CIB4: variants seen among roughly 807,000 people sequenced by gnomAD.
The protein encoded by CIB4 is calcium and integrin binding family member 4.
Under a neutral mutation model 25.8 loss-of-function variants are expected in CIB4, and 25 were observed. The ratio of observed to expected loss-of-function variants is 0.97; its 90% CI spans 0.71 to 1.35. CIB4 has a LOEUF of 1.35. Ranked by LOEUF, CIB4 falls within the 40% of genes most tolerant of loss-of-function variation. CIB4 has a pLI of 0.00. For synonymous variants in CIB4, 75 were observed against 81.4 expected (o/e 0.92, Z 0.42); for missense variants, 235 against 228.2 (o/e 1.03, Z -0.19).
At chr2:26,581,432 G>T in intron 6 of CIB4, 39 bp from the exon 7 acceptor site, 1 of 1,609,416 alleles carries the variant, frequency 6.2e-7, no homozygotes, top group Non-Finnish European at 8.5e-7. Context: ...GAGCCCGCAG[G>T]TCCAAGGGGC....
At chr2:26,620,195 G>C (rs1302977095) in intron 3 of CIB4, among the ~76,000 whole-genome samples, 1 of 144,928 alleles carries the variant, frequency 6.9e-6, no homozygotes, top group Non-Finnish European at 1.5e-5. Context: ...CAGACTCCGC[G>C]ACTGAGGAAG....
At position 26,641,257 on chromosome 2, in the gene CIB4, C is replaced by A; in HGVS notation, c.54+4G>T. 1 of 1,610,888 alleles carries A rather than the reference C, an allele frequency of 6.2e-7. No homozygotes were observed. ...GCCCAGAGTCCCTAGCCCGATCTACCCACCTGGTACTCTTCCAGGTCCTCC... is the reference window on the plus strand; with the variant it reads ...GCCCAGAGTCCCTAGCCCGATCTACACACCTGGTACTCTTCCAGGTCCTCC... On this transcript the variant is annotated splice_donor_region_variant and intron_variant, in intron 1 of 6. Coordinates refer to ENST00000288861, the MANE Select transcript of CIB4 (RefSeq NM_001029881.3).
chr2:26,631,504 G>A (rs1404420827), intron 2 of CIB4, among the ~76,000 whole-genome samples: 1 of 152,118 alleles, frequency 6.6e-6, no homozygotes, highest in Non-Finnish European at 1.5e-5. Context: ...TGAAGAATTT[G>A]GAGGGTGATT....
chr2:26,635,287 T>C (rs977394685), intron 2 of CIB4, among the ~76,000 whole-genome samples: 10 of 152,154 alleles, frequency 6.6e-5, no homozygotes, highest in African/African-American at 2.4e-4. Context: ...AAGACAAGTC[T>C]AGAACATGAG....
intron 3 of CIB4, among the ~76,000 whole-genome samples, chr2:26,611,188 TA>T (rs2148210342): frequency 6.6e-6 from 1 of 152,336 alleles, no homozygotes; most frequent in East Asian, 1.9e-4. Context: ...GACTTGGGGC[TA>T]GGATCCACTG....
intron 4 of CIB4, among the ~76,000 whole-genome samples, chr2:26,590,258 T>TAAAAAAAAAA (rs869097756): frequency 3.2e-5 from 2 of 61,830 alleles, no homozygotes; most frequent in African/African-American, 1.5e-4. Context: ...CAAGCATCTG[T>TAAAAAAAAAA]AAAAAAAAAA....
At chr2:26,636,138 G>A (rs1273663089) in intron 2 of CIB4, among the ~76,000 whole-genome samples, 2 of 152,092 alleles carry the variant, frequency 1.3e-5, no homozygotes, top group Non-Finnish European at 2.9e-5. Context: ...TAGAAAAAAA[G>A]AGGATTTATT....
At chr2:26,631,892 T>A (rs1377510518) in intron 2 of CIB4, among the ~76,000 whole-genome samples, 2 of 152,204 alleles carry the variant, frequency 1.3e-5, no homozygotes, top group Non-Finnish European at 2.9e-5. Context: ...AGCCAGCTTC[T>A]GCAGCTCCAG....
At chr2:26,619,359 C>G (rs373485257) in intron 3 of CIB4, among the ~76,000 whole-genome samples, 62 of 152,096 alleles carry the variant, frequency 4.1e-4, no homozygotes, top group African/African-American at 1.4e-3. Flanking sequence ...CCTCATGGAG[C>G]GCTTGGGAGT....
In CIB4 at chr2:26,581,317, C is replaced by A. The variant is rs1486044647; in HGVS notation, c.*46G>T. The A allele has an allele frequency of 1.7e-5, 27 of 1,568,660 alleles. No individual in the cohort carries two copies. Among genetic ancestry groups the A allele is most frequent in the Non-Finnish European group, 2.4e-5 (27 of 1,138,834 alleles). ...CTCCAGTGCTGGAGGGGGTTCGATT[C>A]CTGTGGTCTCCCTCGAGGCTGCCAT... On this transcript the variant is annotated 3_prime_UTR_variant, in exon 7 of 7. Coordinates refer to ENST00000288861, the MANE Select transcript of CIB4 (RefSeq NM_001029881.3).
At chr2:26,633,854 C>A (rs766742236) in intron 2 of CIB4, among the ~76,000 whole-genome samples, 1 of 152,180 alleles carries the variant, frequency 6.6e-6, no homozygotes, top group Middle Eastern at 3.2e-3. Flanking sequence ...CTGCTGCTGA[C>A]TGTCCGTGGG....
intron 2 of CIB4, among the ~76,000 whole-genome samples, chr2:26,634,865 C>T (rs901182250): frequency 3.0e-4 from 46 of 152,358 alleles, no homozygotes; most frequent in African/African-American, 1.1e-3. Context: ...CCCCACCCCA[C>T]CCAAGAGAGT....
At chr2:26,614,074 G>A (rs1436684544) in intron 3 of CIB4, among the ~76,000 whole-genome samples, 1 of 152,226 alleles carries the variant, frequency 6.6e-6, no homozygotes, top group East Asian at 1.9e-4. Flanking sequence ...TGGGAACAGA[G>A]CCCCGGCCAG....
intron 3 of CIB4, among the ~76,000 whole-genome samples, chr2:26,616,326 T>C (rs115757177): frequency 0.012 from 1,781 of 152,236 alleles, 30 homozygotes; most frequent in African/African-American, 0.04. Context: ...CGCCAACTCC[T>C]AGGGTGCTCA....
intron 3 of CIB4, among the ~76,000 whole-genome samples, chr2:26,602,804 G>A (rs1275719739): frequency 4.6e-5 from 7 of 152,204 alleles, no homozygotes; most frequent in Admixed American, 4.6e-4. Flanking sequence ...GCTCACGCCT[G>A]TAATCTCGAG....
intron 3 of CIB4, among the ~76,000 whole-genome samples, chr2:26,599,511 C>T (rs183514178): frequency 6.6e-5 from 10 of 152,138 alleles, no homozygotes; most frequent in Middle Eastern, 6.8e-3. Flanking sequence ...CTCCAACTAG[C>T]GCCTAGTCAA....
At chr2:26,584,485 G>A (rs1203670625) in intron 4 of CIB4, among the ~76,000 whole-genome samples, 1 of 152,200 alleles carries the variant, frequency 6.6e-6, no homozygotes, top group East Asian at 1.9e-4. Flanking sequence ...CAGTGAAGGG[G>A]GACAATGGTC....
chr2:26,593,435 C>T (rs1668625344), intron 4 of CIB4, among the ~76,000 whole-genome samples: 1 of 151,516 alleles, frequency 6.6e-6, no homozygotes, highest in South Asian at 2.1e-4. Flanking sequence ...TATATACACA[C>T]TATATATACC....
chr2:26,583,012 CCACATGCTTAACACT>C, intron 5 of CIB4, 99 bp from the exon 6 acceptor site: 1 of 753,718 alleles, frequency 1.3e-6, no homozygotes, highest in South Asian at 1.6e-5. Flanking sequence ...AGGGGCTCTC[CCACATGCTTAACACT>C]TGTCTCCTGG....
Sources: gnomAD v4.1 joint callset for allele counts (sites outside exome capture counted in the v4.1 genomes callset) on GRCh38, gnomAD v4.1.1 for gene constraint, MANE v1.5 for transcripts, NCBI Gene and HGNC (gene_info 2026-07-23, HGNC 2026-07-21) for gene names.